ASIC2: variants seen among roughly 807,000 people sequenced by gnomAD.
ASIC2 encodes the protein acid-sensing ion channel 2.
In ASIC2, 25 loss-of-function variants were observed where a neutral mutation model predicts 57.3. The ratio of observed to expected loss-of-function variants is 0.44; its 90% CI spans 0.32 to 0.61. The LOEUF is 0.61. Ranked by LOEUF, ASIC2 falls within the 20% of genes least tolerant of loss-of-function variation. The pLI, the probability that ASIC2 is intolerant of heterozygous loss-of-function variation, is 0.06. For missense variants in ASIC2, 641 were observed against 738.1 expected (o/e 0.87, Z 1.52); for synonymous variants, 319 against 307.5 (o/e 1.04, Z -0.39).
At chr17:33,089,036 T>C (rs768520543) in intron 2 of ASIC2, 46 bp from the exon 3 acceptor site, 8 of 1,610,370 alleles carry the variant, frequency 5.0e-6, no homozygotes, top group African/African-American at 1.3e-5. Flanking sequence ...TAACAACAGA[T>C]GCTCATGGAG....
chr17:33,137,100 G>A (rs1025894155), intron 1 of ASIC2, among the ~76,000 whole-genome samples: 3 of 152,174 alleles, frequency 2.0e-5, no homozygotes, highest in Admixed American at 6.5e-5. Context: ...CGGGACAGCC[G>A]CCTGCTGCTG....
intron 1 of ASIC2, among the ~76,000 whole-genome samples, chr17:33,695,397 GA>G (rs1229322549): frequency 6.6e-6 from 1 of 152,102 alleles, no homozygotes; most frequent in Non-Finnish European, 1.5e-5. Flanking sequence ...GCAGGGGATT[GA>G]TGTATTTATT....
intron 3 of ASIC2, among the ~76,000 whole-genome samples, chr17:33,044,365 A>C (rs2091942958): frequency 6.6e-6 from 1 of 151,474 alleles, no homozygotes; most frequent in Admixed American, 6.6e-5. Context: ...TGTCCAATAA[A>C]TATTTTTTAT....
intron 1 of ASIC2, among the ~76,000 whole-genome samples, chr17:33,264,326 G>A (rs59053403): frequency 0.03 from 4,546 of 152,326 alleles, 231 homozygotes; most frequent in African/African-American, 0.1. Flanking sequence ...CTCACTATGT[G>A]CATGGCATGA....
At chr17:34,040,900 A>G (rs1468485454) in intron 1 of ASIC2, among the ~76,000 whole-genome samples, 5 of 152,230 alleles carry the variant, frequency 3.3e-5, no homozygotes, top group Admixed American at 6.5e-5. Context: ...TCCTAGGAGG[A>G]AGCTATTACC....
chr17:33,175,773 C>T (rs1905731495), intron 1 of ASIC2, among the ~76,000 whole-genome samples: 1 of 152,190 alleles, frequency 6.6e-6, no homozygotes, highest in Non-Finnish European at 1.5e-5. Flanking sequence ...CCATCTCTTC[C>T]CCGGGAGGCT....
intron 1 of ASIC2, among the ~76,000 whole-genome samples, chr17:33,674,861 TGA>T (rs902189292): frequency 6.6e-6 from 1 of 152,214 alleles, no homozygotes; most frequent in African/African-American, 2.4e-5. Context: ...ATTTGTGGTC[TGA>T]GCCCAGAAAT....
intron 1 of ASIC2, among the ~76,000 whole-genome samples, chr17:33,705,008 A>T (rs1216001725): frequency 6.6e-6 from 1 of 152,212 alleles, no homozygotes; most frequent in African/African-American, 2.4e-5. Context: ...TAACACACAT[A>T]TGTCTTCCAG....
intron 3 of ASIC2, among the ~76,000 whole-genome samples, chr17:33,037,148 A>AG (rs1555564658): frequency 1.4e-5 from 2 of 147,482 alleles, no homozygotes; most frequent in Non-Finnish European, 3.0e-5. Flanking sequence ...AAAAAAAAAA[A>AG]GAATTGGTTG....
chr17:33,539,130 C>G lies in ASIC2; in HGVS notation c.556-427063G>C, dbSNP rs1182219617. 4.6e-5 allele frequency among the ~76,000 whole-genome samples: 7 copies of G among 152,200 alleles called. No homozygotes were observed. In the East Asian group the frequency reaches 1.3e-3, roughly 29 times the overall value. The stretch of plus-strand genomic sequence containing the variant: ...TGACTATTGGCTACTGTAGTACACA[C>G]TCCTATCACCTGCAGATGGAGCCTG... On this transcript the variant is annotated intron_variant, in intron 1 of 9. Coordinates refer to the ASIC2 transcript ENST00000359872.
At chr17:33,969,262 C>T (rs1395118014) in intron 1 of ASIC2, among the ~76,000 whole-genome samples, 1 of 152,222 alleles carries the variant, frequency 6.6e-6, no homozygotes, top group African/African-American at 2.4e-5. Flanking sequence ...GTTTCCCCTT[C>T]TCTATATGAG....
intron 1 of ASIC2, among the ~76,000 whole-genome samples, chr17:33,747,149 A>G (rs1200851786): frequency 1.3e-5 from 2 of 151,946 alleles, no homozygotes; most frequent in Non-Finnish European, 2.9e-5. Flanking sequence ...TTACAGGTAT[A>G]AAGTTCTACT....
intron 1 of ASIC2, among the ~76,000 whole-genome samples, chr17:33,951,572 CTTTTTTCTTTTCT>C (rs946267587): frequency 7.3e-5 from 11 of 151,410 alleles, no homozygotes; most frequent in African/African-American, 2.7e-4. Context: ...TTTTTCTTTT[CTTTTTTCTTTTCT>C]TTTTTTCTTT....
In ASIC2 at chr17:34,079,893, G is replaced by C. The variant is rs547920829; in HGVS notation, c.555+76085C>G. 1.5e-4 allele frequency among the ~76,000 whole-genome samples: 23 copies of C among 152,242 alleles called. No individual in the cohort carries two copies. In the East Asian group the frequency reaches 2.9e-3, roughly 19 times the overall value. Reference sequence around the variant, plus strand: ...AGGCTGCACTTTTCTGGAAGACCTTGACCTTCTAGCTCCATGCAACACTAA... The same window carrying C: ...AGGCTGCACTTTTCTGGAAGACCTTCACCTTCTAGCTCCATGCAACACTAA... On this transcript the variant is annotated intron_variant, in intron 1 of 9. Coordinates refer to the ASIC2 transcript ENST00000359872.
At chr17:33,133,729 T>C (rs771596396) in intron 1 of ASIC2, among the ~76,000 whole-genome samples, 3 of 152,182 alleles carry the variant, frequency 2.0e-5, no homozygotes, top group East Asian at 1.9e-4. Context: ...GGGTGAGGCA[T>C]TGGAGTGATG....
At chr17:33,482,313 C>G (rs1455231644) in intron 1 of ASIC2, among the ~76,000 whole-genome samples, 1 of 152,198 alleles carries the variant, frequency 6.6e-6, no homozygotes, top group Non-Finnish European at 1.5e-5. Flanking sequence ...CAAACATGGG[C>G]AAAAACCCAT....
At chr17:33,701,817 T>C (rs898002283) in intron 1 of ASIC2, among the ~76,000 whole-genome samples, 1 of 152,238 alleles carries the variant, frequency 6.6e-6, no homozygotes, top group Non-Finnish European at 1.5e-5. Flanking sequence ...CCCATCAATG[T>C]CTTTTTGCAA....
intron 1 of ASIC2, among the ~76,000 whole-genome samples, chr17:33,758,924 A>T (rs1328232386): frequency 6.6e-6 from 1 of 151,962 alleles, no homozygotes; most frequent in African/African-American, 2.4e-5. Flanking sequence ...TACCAAAAAA[A>T]AAAAAAAAAA....
At chr17:33,014,516 G>C (rs190061833) in intron 9 of ASIC2, among the ~76,000 whole-genome samples, 179 of 152,094 alleles carry the variant, frequency 1.2e-3, no homozygotes, top group African/African-American at 3.9e-3. Context: ...TTAGAGCTCA[G>C]AGCCAGAGCT....
Sources: allele counts gnomAD v4.1 joint callset (sites outside exome capture counted in the v4.1 genomes callset), GRCh38; gene constraint gnomAD v4.1.1; transcripts MANE v1.5; gene names NCBI Gene and HGNC (gene_info 2026-07-23, HGNC 2026-07-21).